The following SPICE1 variants were observed in gnomAD, a reference collection of about 807,000 sequenced individuals.
The protein encoded by SPICE1 is spindle and centriole associated protein 1.
In SPICE1, 75 loss-of-function variants were observed where a neutral mutation model predicts 102.7. The observed-to-expected ratio is 0.73, with a 90% CI of 0.61 to 0.88. The LOEUF is 0.88. Among genes scored for constraint, SPICE1 ranks in the 40% least tolerant of loss-of-function variants. The pLI is 0.00. For missense variants in SPICE1, 979 were observed against 1,020.1 expected (o/e 0.96, Z 0.55); for synonymous variants, 308 against 350.3 (o/e 0.88, Z 1.35).
chr3:113,457,166 T>A lies in SPICE1; in HGVS notation c.1627A>T (p.Ser543Cys). 2.5e-6 allele frequency: 4 copies of A among 1,614,188 alleles called. No homozygotes were observed. In the South Asian group the frequency reaches 4.4e-5, roughly 18 times the overall value. The part of the protein sequence containing the change: ...AVLLTPPRQK[S>C]NLKFSPLQDV... ...TGAAGAGGAGAGAATTTTAAGTTGC[T>A]CTTCTGCCTGGGTGGTGTTAACAAC... The change falls in exon 13 of 18, where the codon AGC becomes TGC. Residue 543 changes from serine (S) to cysteine (C), a missense_variant. By Grantham distance (112) the Ser-to-Cys change is moderately radical (BLOSUM62 -1). Coordinates refer to ENST00000295872, the MANE Select transcript of SPICE1 (RefSeq NM_144718.4).
chr3:113,469,096 A>C lies in SPICE1; in HGVS notation c.751+3T>G, dbSNP rs1936132321. ...CTAGAAATAATGCAAAAGGGAAACA[A>C]ACCTCTTTGCTCCCCTGATGAAAGA... On this transcript the variant is annotated splice_donor_region_variant and intron_variant, in intron 8 of 17. Coordinates refer to ENST00000295872, the MANE Select transcript of SPICE1 (RefSeq NM_144718.4). The C allele has an allele frequency of 6.2e-7, 1 of 1,609,808 alleles. No individual in the cohort carries two copies. Among genetic ancestry groups the C allele is most frequent in the Middle Eastern group, 1.7e-4 (1 of 6,036 alleles).
intron 12 of SPICE1, chr3:113,459,456 CAAAAA>C (rs200111666): frequency 1.1e-6 from 1 of 943,208 alleles, no homozygotes. Context: ...CAAAACAAAA[CAAAAA>C]AAAACAATAA....
At chr3:113,512,095 G>A (rs780279490) in intron 1 of SPICE1, among the ~76,000 whole-genome samples, 31 of 152,266 alleles carry the variant, frequency 2.0e-4, no homozygotes, top group Non-Finnish European at 4.0e-4. Flanking sequence ...ACTGGCCAAC[G>A]ACTTGATTAC....
chr3:113,465,372 AC>A (rs2107460186), intron 11 of SPICE1, among the ~76,000 whole-genome samples: 1 of 152,342 alleles, frequency 6.6e-6, no homozygotes, highest in South Asian at 2.1e-4. Flanking sequence ...TGGATTAACT[AC>A]TGTAACACTT....
chr3:113,465,471 G>C (rs1393360991), intron 11 of SPICE1, among the ~76,000 whole-genome samples, 182 bp downstream of exon 11: 1 of 152,138 alleles, frequency 6.6e-6, no homozygotes, highest in Non-Finnish European at 1.5e-5. Context: ...CTACTTCCAA[G>C]CTTCTACTAT....
chr3:113,501,324 T>C (rs886474626), intron 3 of SPICE1, among the ~76,000 whole-genome samples: 3 of 152,128 alleles, frequency 2.0e-5, no homozygotes, highest in African/African-American at 4.8e-5. Context: ...GAAGAAAACA[T>C]AGGAGTATGT....
At chr3:113,455,042 C>T (rs973462435) in intron 13 of SPICE1, among the ~76,000 whole-genome samples, 2 of 152,180 alleles carry the variant, frequency 1.3e-5, no homozygotes, top group African/African-American at 4.8e-5. Context: ...AATAATCCTC[C>T]TCATTTCCCC....
At position 113,453,615 on chromosome 3, in the gene SPICE1, T is replaced by C; in HGVS notation, c.1993A>G (p.Arg665Gly). 1 of 1,614,186 alleles carries C rather than the reference T, an allele frequency of 6.2e-7. No individual in the cohort carries two copies. Reference protein sequence around the residue: ...QLRTNESLIQRKDIMTRIADL... With the variant: ...QLRTNESLIQGKDIMTRIADL... Reference sequence around the variant, plus strand: ...GCAATTCGTGTCATTATGTCCTTTCTTTGTATTAATGACTCATTTGTTCTC... The same window carrying C: ...GCAATTCGTGTCATTATGTCCTTTCCTTGTATTAATGACTCATTTGTTCTC... Residue 665 changes from arginine (R) to glycine (G), a missense_variant, in exon 14 of 18, where the codon AGA becomes GGA. Transcript: ENST00000295872.
chr3:113,475,261 A>G (rs887867109), intron 7 of SPICE1, among the ~76,000 whole-genome samples: 7 of 152,260 alleles, frequency 4.6e-5, no homozygotes, highest in Non-Finnish European at 8.8e-5. Flanking sequence ...GAATAGACCA[A>G]TAACAGGCTC....
chr3:113,479,184 TCTC>T (rs1354994852), intron 7 of SPICE1, among the ~76,000 whole-genome samples: 1 of 145,974 alleles, frequency 6.9e-6, no homozygotes, highest in African/African-American at 2.5e-5. Flanking sequence ...GGCCATGTGT[TCTC>T]ATTGTTCAAT....
chr3:113,499,517 T>C lies in SPICE1; in HGVS notation c.213A>G (p.Lys71=). 2 of 1,613,282 alleles carry C rather than the reference T, an allele frequency of 1.2e-6. No homozygotes were observed. The highest frequency in any genetic ancestry group is 1.7e-6 in the Non-Finnish European group (2 of 1,179,732). The change falls in exon 4 of 18, where the codon AAA becomes AAG. Residue 71 remains lysine (K), a synonymous_variant. Coordinates refer to ENST00000295872, the MANE Select transcript of SPICE1 (RefSeq NM_144718.4). ...GCTTCCTCCATTTTCTCTTCAAAGCTTTTTCTTGGAGTTCCCAGTGTACTA... is the reference window on the plus strand; with the variant it reads ...GCTTCCTCCATTTTCTCTTCAAAGCCTTTTCTTGGAGTTCCCAGTGTACTA... ...RALVHWELQE[K]ALKRKWRKQK... is the part of the protein sequence containing the mutation.
chr3:113,506,162 A>G (rs1166309980), intron 2 of SPICE1, among the ~76,000 whole-genome samples: 3 of 152,158 alleles, frequency 2.0e-5, no homozygotes, highest in Non-Finnish European at 4.4e-5. Context: ...GTACCGAAAA[A>G]TTCACAGACT....
At chr3:113,504,150 C>T (rs946422138) in intron 2 of SPICE1, among the ~76,000 whole-genome samples, 1 of 152,088 alleles carries the variant, frequency 6.6e-6, no homozygotes, top group Non-Finnish European at 1.5e-5. Context: ...CCATTAATAT[C>T]AGAGTCCGTG....
At chr3:113,492,824 C>T (rs1936794856) in intron 6 of SPICE1, among the ~76,000 whole-genome samples, 1 of 152,150 alleles carries the variant, frequency 6.6e-6, no homozygotes, top group African/African-American at 2.4e-5. Context: ...AGTGGAAAGA[C>T]TCCCTGCTGT....
At chr3:113,460,573 T>A in intron 12 of SPICE1, 44 bp downstream of exon 12, 1 of 1,562,124 alleles carries the variant, frequency 6.4e-7, no homozygotes, top group Non-Finnish European at 8.6e-7. Flanking sequence ...TCTAAGGCCA[T>A]TAAGTAGTCT....
Position 113,446,608 on chromosome 3 carries a change from G to C in SPICE1, c.2495C>G (p.Pro832Arg), listed in dbSNP as rs749438030. Residue 832 changes from proline (P) to arginine (R), a missense_variant, in exon 17 of 18, where the codon CCT becomes CGT. Physicochemically the swap from Pro to Arg is moderately radical, Grantham distance 103. Coordinates refer to ENST00000295872, the MANE Select transcript of SPICE1 (RefSeq NM_144718.4). Reference protein sequence around the residue: ...NATSGSGRFTPLNPRAKIEKQ... With the variant: ...NATSGSGRFTRLNPRAKIEKQ... ...GTGTACCTTTGCTCTTGGATTAAGA[G>C]GTGTGAATCTCCCACTTCCTGAGGT... 30 of 1,613,366 alleles carry C rather than the reference G, an allele frequency of 1.9e-5. No individual in the cohort carries two copies. The highest frequency in any genetic ancestry group is 1.8e-5 in the Non-Finnish European group (21 of 1,179,628).
chr3:113,468,212 C>T lies in SPICE1; in HGVS notation c.1082G>A (p.Ser361Asn), dbSNP rs1325720107. The T allele has an allele frequency of 9.3e-6, 15 of 1,614,156 alleles. No individual in the cohort carries two copies. The highest frequency in any genetic ancestry group is 1.2e-5 in the Non-Finnish European group (14 of 1,180,038). Residue 361 changes from serine (S) to asparagine (N), a missense_variant, in exon 10 of 18, where the codon AGC becomes AAC. Physicochemically the swap from Ser to Asn is conservative, Grantham distance 46. Transcript: ENST00000295872. Reference protein sequence around the residue: ...WTGREVKGLQSSQGLTGFTLS... With the variant: ...WTGREVKGLQNSQGLTGFTLS... Reference sequence around the variant, plus strand: ...AGTGAAGCCTGTAAGACCCTGACTGCTCTGCAGACCCTTGACCTCGCGACC... The same window carrying T: ...AGTGAAGCCTGTAAGACCCTGACTGTTCTGCAGACCCTTGACCTCGCGACC...
intron 7 of SPICE1, among the ~76,000 whole-genome samples, chr3:113,476,748 C>A (rs1936359945): frequency 6.6e-6 from 1 of 150,630 alleles, no homozygotes; most frequent in African/African-American, 2.5e-5. Context: ...AAAGCTGAAA[C>A]TGGATCCCTT....
At chr3:113,509,190 T>TA (rs1937171229) in intron 1 of SPICE1, among the ~76,000 whole-genome samples, 1 of 152,180 alleles carries the variant, frequency 6.6e-6, no homozygotes. Context: ...GTGAATTGAC[T>TA]AAAAACCTCT....
Sources: gnomAD v4.1 joint callset for allele counts (sites outside exome capture counted in the v4.1 genomes callset) on GRCh38, gnomAD v4.1.1 for gene constraint, MANE v1.5 for transcripts, NCBI Gene and HGNC (gene_info 2026-07-23, HGNC 2026-07-21) for gene names.